Variants in FRMD4A observed in about 807,000 individuals in gnomAD.
The protein encoded by FRMD4A is FERM domain-containing protein 4A.
Under a neutral mutation model 129.1 loss-of-function variants are expected in FRMD4A, and 29 were observed. The observed-to-expected ratio is 0.22, with a 90% CI of 0.17 to 0.31. The LOEUF is 0.31. Among genes scored for constraint, FRMD4A ranks in the 10% least tolerant of loss-of-function variants. FRMD4A has a pLI of 1.00. For synonymous variants in FRMD4A, 634 were observed against 571.6 expected (o/e 1.11, Z -1.56); for missense variants, 1,272 against 1,375.8 (o/e 0.92, Z 1.19).
chr10:14,063,163 C>T (rs930234216), intron 2 of FRMD4A, among the ~76,000 whole-genome samples: 2 of 130,580 alleles, frequency 1.5e-5, no homozygotes, highest in African/African-American at 5.7e-5. Context: ...ATTTCTATTG[C>T]AAGGAATAAA....
chr10:14,007,129 AT>A (rs2095664944), intron 2 of FRMD4A: 1 of 152,150 alleles, frequency 6.6e-6, no homozygotes, highest in African/African-American at 2.4e-5. Flanking sequence ...TCTTTATAAG[AT>A]GCTGCGGATA....
chr10:14,111,684 C>T (rs944900975), intron 2 of FRMD4A, among the ~76,000 whole-genome samples: 3 of 152,132 alleles, frequency 2.0e-5, no homozygotes, highest in South Asian at 2.1e-4. Context: ...TGCATTACGT[C>T]ATGTACCAAA....
chr10:14,273,399 T>C (rs1845232006), intron 2 of FRMD4A, among the ~76,000 whole-genome samples: 1 of 152,216 alleles, frequency 6.6e-6, no homozygotes, highest in Non-Finnish European at 1.5e-5. Flanking sequence ...TGTTCAAACA[T>C]TCAACTTTCA....
intron 2 of FRMD4A, among the ~76,000 whole-genome samples, chr10:13,862,508 A>C (rs1458393904): frequency 6.6e-6 from 1 of 152,250 alleles, no homozygotes; most frequent in Non-Finnish European, 1.5e-5. Flanking sequence ...ACTATTTATC[A>C]TGATGTTAGT....
intron 2 of FRMD4A, chr10:14,008,602 A>G: frequency 2.9e-6 from 2 of 680,112 alleles, no homozygotes; most frequent in South Asian, 1.3e-4. Flanking sequence ...CGTGACTCCC[A>G]AGCCCCTCGG....
intron 2 of FRMD4A, among the ~76,000 whole-genome samples, chr10:13,865,141 C>CT (rs2094348529): frequency 6.6e-6 from 1 of 152,090 alleles, no homozygotes; most frequent in Non-Finnish European, 1.5e-5. Context: ...ACATGACCAG[C>CT]TTACCTCATC....
chr10:13,926,517 AAGATAAGAAGCCTGCT>A (rs1382644377), intron 2 of FRMD4A, among the ~76,000 whole-genome samples: 1 of 152,218 alleles, frequency 6.6e-6, no homozygotes, highest in Non-Finnish European at 1.5e-5. Context: ...GCCAAAGGCA[AAGATAAGAAGCCTGCT>A]AGAGATTTAC....
chr10:13,951,788 G>A (rs998499447), intron 2 of FRMD4A, among the ~76,000 whole-genome samples: 2 of 151,896 alleles, frequency 1.3e-5, no homozygotes, highest in African/African-American at 2.4e-5. Flanking sequence ...TACTTGGGCG[G>A]CTGAGGCAGG....
At chr10:13,687,694 A>C (rs967570450) in intron 15 of FRMD4A, among the ~76,000 whole-genome samples, 1 of 152,204 alleles carries the variant, frequency 6.6e-6, no homozygotes, top group Non-Finnish European at 1.5e-5. Flanking sequence ...AGAGAGACGC[A>C]GCTACAAATG....
chr10:13,714,049 T>TAAAATATAC (rs1352502562), intron 12 of FRMD4A, among the ~76,000 whole-genome samples: 3 of 25,788 alleles, frequency 1.2e-4, no homozygotes, highest in African/African-American at 4.6e-4. Flanking sequence ...TATATATATA[T>TAAAATATAC]ATATATATAT....
intron 2 of FRMD4A, among the ~76,000 whole-genome samples, chr10:13,991,429 AC>A (rs1413494210): frequency 6.6e-6 from 1 of 151,764 alleles, no homozygotes; most frequent in Non-Finnish European, 1.5e-5. Context: ...CTCCAACGGG[AC>A]CCCCTCTGTT....
chr10:13,843,822 T>G (rs1175768271), intron 3 of FRMD4A, among the ~76,000 whole-genome samples: 1 of 152,146 alleles, frequency 6.6e-6, no homozygotes, highest in East Asian at 1.9e-4. Flanking sequence ...TGAACATTAT[T>G]GTGCAAGGAG....
chr10:13,955,122 T>TTTTTTTTTTTTTTTTC (rs2095402250), intron 2 of FRMD4A, among the ~76,000 whole-genome samples: 1 of 145,612 alleles, frequency 6.9e-6, no homozygotes, highest in Non-Finnish European at 1.5e-5. Context: ...CTTTTTTTTT[T>TTTTTTTTTTTTTTTTC]TTTGAGACGG....
At chr10:14,151,960 T>A (rs1168172757) in intron 2 of FRMD4A, among the ~76,000 whole-genome samples, 1 of 151,862 alleles carries the variant, frequency 6.6e-6, no homozygotes, top group East Asian at 1.9e-4. Flanking sequence ...ATTCAAAAGA[T>A]GTTGCCAGGC....
chr10:14,288,660 TATTTTTA>T (rs954563125), intron 2 of FRMD4A, among the ~76,000 whole-genome samples: 1 of 152,222 alleles, frequency 6.6e-6, no homozygotes, highest in African/African-American at 2.4e-5. Flanking sequence ...AAGTGCACAA[TATTTTTA>T]ATTGTTAACA....
chr10:13,769,856 C>T (rs1399151903), intron 6 of FRMD4A, among the ~76,000 whole-genome samples: 1 of 152,052 alleles, frequency 6.6e-6, no homozygotes, highest in Non-Finnish European at 1.5e-5. Flanking sequence ...TTCTCTTGTC[C>T]TTGGACTGGG....
intron 2 of FRMD4A, among the ~76,000 whole-genome samples, chr10:14,195,955 T>A (rs895712672): frequency 6.6e-6 from 1 of 152,180 alleles, no homozygotes; most frequent in Non-Finnish European, 1.5e-5. Flanking sequence ...GTTCAGTATG[T>A]TTACAGAGCA....
At chr10:13,898,471 T>A (rs2094783053) in intron 2 of FRMD4A, among the ~76,000 whole-genome samples, 1 of 152,196 alleles carries the variant, frequency 6.6e-6, no homozygotes, top group South Asian at 2.1e-4. Flanking sequence ...GCCATCCCAA[T>A]GAATGAGGAT....
At chr10:14,241,335 T>C (rs1330076498) in intron 2 of FRMD4A, among the ~76,000 whole-genome samples, 1 of 152,154 alleles carries the variant, frequency 6.6e-6, no homozygotes, top group East Asian at 1.9e-4. Context: ...TTAAACTCAA[T>C]AGTAACTCAG....
Sources: gnomAD v4.1 joint callset for allele counts (sites outside exome capture counted in the v4.1 genomes callset) on GRCh38, gnomAD v4.1.1 for gene constraint, MANE v1.5 for transcripts, NCBI Gene and HGNC (gene_info 2026-07-23, HGNC 2026-07-21) for gene names.